TRPM2: variants seen among roughly 807,000 people sequenced by gnomAD.
TRPM2 encodes transient receptor potential cation channel subfamily M member 2.
Under a neutral mutation model 174.0 loss-of-function variants are expected in TRPM2, and 161 were observed. The ratio of observed to expected loss-of-function variants is 0.93; its 90% CI spans 0.81 to 1.05. TRPM2 has a LOEUF of 1.05. TRPM2 is among the 50% of genes least tolerant of loss of function. TRPM2 has a pLI of 0.00. For synonymous variants in TRPM2, 954 were observed against 861.3 expected (o/e 1.11, Z -1.88); for missense variants, 2,057 against 2,038.0 (o/e 1.01, Z -0.18).
rs559796448 is a variant in TRPM2 at position 44,401,604 on chromosome 21, C to T, written c.2322-77C>T. 8.1e-5 allele frequency: 120 copies of T among 1,479,826 alleles called. No individual in the cohort carries two copies. In the African/African-American group the frequency reaches 1.1e-3, roughly 13 times the overall value. The allele number at this position is 1,479,826 out of a possible 1,614,324, so 91.7% of individuals were successfully genotyped here. A position where few individuals can be genotyped will look rare whatever the true frequency, so the allele number is the denominator to read the frequency against. On this transcript the variant is annotated intron_variant, in intron 15 of 31. Transcript: ENST00000397928. ...TCTCTCTGAGGGGCACGGGGGATCA[C>T]GGGGTGGCCAAAGCCTGTGGAGGTC...
In TRPM2 at chr21:44,425,840, C is replaced by A; in HGVS notation, c.3795+13C>A. 1 of 1,547,164 alleles carries A rather than the reference C, an allele frequency of 6.5e-7. No homozygotes were observed. The highest frequency in any genetic ancestry group is 8.8e-7 in the Non-Finnish European group (1 of 1,137,704). ...GGTGCCCTGGGAGGTGAGCGCCTGC[C>A]CAAGCCCAACCAGGCGGAGTGGCCG... On this transcript the variant is annotated intron_variant, in intron 25 of 31. Coordinates refer to ENST00000397928, the MANE Select transcript of TRPM2 (RefSeq NM_003307.4).
chr21:44,381,975 TA>T (rs1227679668), intron 8 of TRPM2, among the ~76,000 whole-genome samples: 1 of 147,284 alleles, frequency 6.8e-6, no homozygotes, highest in East Asian at 2.0e-4. Context: ...GATAGATAGA[TA>T]GATAGATAGA....
In TRPM2 at chr21:44,435,918, A is replaced by T. The variant is rs1364602161; in HGVS notation, c.4061+701A>T. Among the ~76,000 whole-genome samples the T allele has an allele frequency of 5.9e-3, 575 of 97,040 alleles. 14 individuals are homozygous for T. Among genetic ancestry groups the T allele is most frequent in the Middle Eastern group, 0.022 (2 of 92 alleles). 63.7% of individuals were successfully genotyped at this position (97,040 alleles called of 152,430 possible). A position where few individuals can be genotyped will look rare whatever the true frequency, so the allele number is the denominator to read the frequency against. The stretch of plus-strand genomic sequence containing the variant: ...TCTCTCCTCAGACTCACTCCTCCCC[A>T]CCCATCCACAGGGACACAGCCCCAC... On this transcript the variant is annotated intron_variant, in intron 28 of 31. Transcript: ENST00000397928.
rs1036152347 is a variant in TRPM2, at chr21:44,391,811, G to A, written c.1794+186G>A. Among the ~76,000 whole-genome samples the A allele has an allele frequency of 3.9e-5, 6 of 152,136 alleles. No homozygotes were observed. Among genetic ancestry groups the A allele is most frequent in the African/African-American group, 1.4e-4 (6 of 41,410 alleles). ...GCAGAAACTACCAGTTTATTTTCTCGAAGTTCTGGAAGCCCGAAGTCCCAG... is the reference window on the plus strand; with the variant it reads ...GCAGAAACTACCAGTTTATTTTCTCAAAGTTCTGGAAGCCCGAAGTCCCAG... On this transcript the variant is annotated intron_variant, in intron 11 of 31. Coordinates refer to ENST00000397928, the MANE Select transcript of TRPM2 (RefSeq NM_003307.4). The surrounding 1 kb of genome is among the most constrained non-coding windows in gnomAD (Gnocchi z 5.0).
chr21:44,407,075 T>A (rs1375561168), intron 19 of TRPM2, among the ~76,000 whole-genome samples: 1 of 143,904 alleles, frequency 6.9e-6, no homozygotes, highest in East Asian at 2.1e-4. Flanking sequence ...CTGTATCCCC[T>A]TTCCCTCTCA....
chr21:44,357,207 C>T (rs1265189248), intron 2 of TRPM2, among the ~76,000 whole-genome samples: 1 of 152,228 alleles, frequency 6.6e-6, no homozygotes, highest in Non-Finnish European at 1.5e-5. Context: ...GACACCCTGA[C>T]CTGCTGTGTC....
intron 18 of TRPM2, 55 bp downstream of exon 18, chr21:44,406,092 G>GGGAGGGCGGGCCTCA (rs2049864886): frequency 1.9e-6 from 3 of 1,589,678 alleles, no homozygotes; most frequent in Non-Finnish European, 2.6e-6. Context: ...GGTGGGCCTC[G>GGGAGGGCGGGCCTCA]GGGAGGGCAG....
chr21:44,428,854 G>C (rs1456581809), intron 27 of TRPM2, among the ~76,000 whole-genome samples: 2 of 152,058 alleles, frequency 1.3e-5, no homozygotes, highest in Admixed American at 6.6e-5. Context: ...CCTCCCCTGA[G>C]GTGTGGCTCC....
chr21:44,422,805 T>C (rs907378523), intron 22 of TRPM2, among the ~76,000 whole-genome samples: 2 of 115,786 alleles, frequency 1.7e-5, no homozygotes, highest in African/African-American at 6.9e-5. Context: ...AGCCAAATAC[T>C]CCCAGAAAAA....
chr21:44,428,686 AGGTGTGGCTCCTCCCCTGAGATGTG>A, intron 27 of TRPM2, among the ~76,000 whole-genome samples: 1 of 25,828 alleles, frequency 3.9e-5, no homozygotes, highest in African/African-American at 7.8e-5. Flanking sequence ...CTCCTCCCTG[AGGTGTGGCTCCTCCCCTGAGATGTG>A]GCTCCTCCCT....
At chr21:44,357,286 G>A (rs987670221) in intron 2 of TRPM2, among the ~76,000 whole-genome samples, 2 of 152,220 alleles carry the variant, frequency 1.3e-5, no homozygotes, top group Non-Finnish European at 2.9e-5. Context: ...CTTCTCACAT[G>A]GAAGTGGAAA....
At position 44,366,939 on chromosome 21, in the gene TRPM2, C is replaced by T. The variant is rs368384286; in HGVS notation, c.604+5C>T. 1 of 1,573,070 alleles carries T rather than the reference C, an allele frequency of 6.4e-7. No homozygotes were observed. Among genetic ancestry groups the T allele is most frequent in the Non-Finnish European group, 8.7e-7 (1 of 1,155,600 alleles). ...TCAAGGTGGCTCAGACCACAGGTAA[C>T]TCGGAGGCTGGAGGGACACGAGGCC... On this transcript the variant is annotated splice_donor_5th_base_variant and intron_variant, in intron 4 of 31. Coordinates refer to ENST00000397928, the MANE Select transcript of TRPM2 (RefSeq NM_003307.4). This position sits in a 1 kb window ranked among gnomAD's most constrained non-coding sequence, Gnocchi z 6.0.
At chr21:44,364,691 T>C (rs903568700) in intron 3 of TRPM2, among the ~76,000 whole-genome samples, 1 of 150,906 alleles carries the variant, frequency 6.6e-6, no homozygotes, top group African/African-American at 2.4e-5. Flanking sequence ...AGGGAAAAGC[T>C]GGGGGAAGGG....
At chr21:44,387,600 G>A (rs1277969586) in intron 9 of TRPM2, among the ~76,000 whole-genome samples, 1 of 152,026 alleles carries the variant, frequency 6.6e-6, no homozygotes, top group Admixed American at 6.6e-5. Flanking sequence ...TATCAACAGA[G>A]TAAAAAGGCA....
intron 26 of TRPM2, 96 bp from the exon 27 acceptor site, chr21:44,426,914 C>A: frequency 2.2e-6 from 3 of 1,382,518 alleles, no homozygotes; most frequent in Admixed American, 2.1e-5. Flanking sequence ...TGCAGCTACT[C>A]GGCTGGGCCC....
In TRPM2 at chr21:44,410,218, C is replaced by T. The variant is rs1482314024; in HGVS notation, c.2962+3453C>T. ...GCATAGCCTTGTAGTAAGTTTTGAC[C>T]GCACTGTCTTGGTTGGCGTAGCCTT... On this transcript the variant is annotated intron_variant, in intron 19 of 31. Coordinates refer to ENST00000397928, the MANE Select transcript of TRPM2 (RefSeq NM_003307.4). Among the ~76,000 whole-genome samples, 8 of 81,206 alleles carry T rather than the reference C, an allele frequency of 9.9e-5. 1 individual carries two copies. The highest frequency in any genetic ancestry group is 2.7e-4 in the Admixed American group (2 of 7,368). The allele number at this position is 81,206 out of a possible 152,430, so 53.3% of individuals were successfully genotyped here. A position where few individuals can be genotyped will look rare whatever the true frequency, so the allele number is the denominator to read the frequency against.
At chr21:44,415,620 G>A (rs1017820643) in intron 20 of TRPM2, 7 of 152,260 alleles carry the variant, frequency 4.6e-5, no homozygotes, top group Admixed American at 3.3e-4. Context: ...AGGCCGTGGC[G>A]GTTCACTACA....
chr21:44,372,834 G>T (rs1356279389), intron 5 of TRPM2, among the ~76,000 whole-genome samples: 2 of 152,184 alleles, frequency 1.3e-5, no homozygotes, highest in African/African-American at 4.8e-5. Context: ...CCCCTACCCT[G>T]CTCTGTGTCC....
chr21:44,401,723 C>T lies in TRPM2; in HGVS notation c.2364C>T (p.Ala788=), dbSNP rs1237672586. The T allele has an allele frequency of 6.2e-7, 1 of 1,613,356 alleles. No homozygotes were observed. Among genetic ancestry groups the T allele is most frequent in the African/African-American group, 1.3e-5 (1 of 75,044 alleles). ...ATGTGGGCACCCCCGCGGCCCGCGC[C>T]CGTGCCTTCTTCACCGCACCCGTGG... ...LQDVGTPAAR[A]RAFFTAPVVV... The change falls in exon 16 of 32, where the codon GCC becomes GCT. Residue 788 remains alanine (A), a synonymous_variant. Transcript: ENST00000397928.
Sources: allele counts gnomAD v4.1 joint callset (sites outside exome capture counted in the v4.1 genomes callset), GRCh38; gene constraint gnomAD v4.1.1; non-coding constraint Gnocchi (gnomAD v3.1); transcripts MANE v1.5; gene names NCBI Gene and HGNC (gene_info 2026-07-23, HGNC 2026-07-21).